Variants in SLC44A5 observed in about 807,000 individuals in gnomAD.
The protein encoded by SLC44A5 is choline transporter-like protein 5.
A neutral mutation model predicts 101.8 loss-of-function variants in SLC44A5; 57 were observed. The observed-to-expected ratio is 0.56, with a 90% CI of 0.45 to 0.70. The LOEUF is 0.70. Ranked by LOEUF, SLC44A5 falls within the 30% of genes least tolerant of loss-of-function variation. The pLI is 0.00. For missense variants in SLC44A5, 737 were observed against 853.1 expected (o/e 0.86, Z 1.70); for synonymous variants, 281 against 290.9 (o/e 0.97, Z 0.35).
chr1:75,279,926 C>T (rs780763552), intron 5 of SLC44A5, among the ~76,000 whole-genome samples: 1 of 151,326 alleles, frequency 6.6e-6, no homozygotes, highest in African/African-American at 2.4e-5. Context: ...CTAGAGTCTT[C>T]GAAGTACATT....
intron 11 of SLC44A5, among the ~76,000 whole-genome samples, chr1:75,235,878 A>G (rs891621893): frequency 2.0e-5 from 3 of 152,038 alleles, no homozygotes; most frequent in African/African-American, 7.2e-5. Context: ...TCAGAGGGAA[A>G]GGGCCAGGTA....
intron 2 of SLC44A5, among the ~76,000 whole-genome samples, chr1:75,425,455 A>C (rs546606922): frequency 6.6e-6 from 1 of 152,246 alleles, no homozygotes; most frequent in African/African-American, 2.4e-5. Context: ...GTAAACTTGC[A>C]GAAGCATTGC....
the SLC44A5 span, among the ~76,000 whole-genome samples, chr1:75,698,510 C>T: frequency 4.6e-5 from 7 of 152,316 alleles, no homozygotes; most frequent in East Asian, 1.4e-3. Context: ...TGTACATCAC[C>T]ATCATCAAAG....
rs1646926265 is a variant in SLC44A5, at chr1:75,214,659, T to C, written c.1748A>G (p.Asn583Ser). 1.2e-6 allele frequency: 2 copies of C among 1,611,476 alleles called. No homozygotes were observed. The highest frequency in any genetic ancestry group is 2.7e-5 in the African/African-American group (2 of 75,002). Residue 583 changes from asparagine (N) to serine (S), a missense_variant, in exon 20 of 24, where the codon AAC becomes AGC. Asn to Ser is a conservative substitution (Grantham distance 46). Transcript: ENST00000370859. ...AYIMIAIYGR[N>S]FCRSAKDAFN... ...AGCATCTTTTGCTGACCTGCAGAAG[T>C]TTCTGCCATATATTGCAATCTGAGG...
chr1:75,362,821 G>GT lies in SLC44A5; in HGVS notation c.53-23192dup, dbSNP rs150205446. Among the ~76,000 whole-genome samples the GT allele has an allele frequency of 4.0e-3, 614 of 152,034 alleles. 4 individuals carry two copies. The highest frequency in any genetic ancestry group is 0.014 in the African/African-American group (590 of 41,492). On this transcript the variant is annotated intron_variant, in intron 3 of 23. Coordinates refer to ENST00000370859, the MANE Select transcript of SLC44A5 (RefSeq NM_001130058.2). ...ATGTTAGGTCCATTTGATCTAAAGT[G>GT]TAAGGGGGGTGAGTATAAGTCCACG...
At chr1:75,409,103 T>A (rs1469605779) in intron 2 of SLC44A5, among the ~76,000 whole-genome samples, 6 of 152,234 alleles carry the variant, frequency 3.9e-5, no homozygotes, top group African/African-American at 1.4e-4. Context: ...AAATACCACA[T>A]CTTCGCTTAT....
chr1:75,395,879 T>C (rs1662091393), intron 3 of SLC44A5, among the ~76,000 whole-genome samples: 1 of 152,178 alleles, frequency 6.6e-6, no homozygotes, highest in Non-Finnish European at 1.5e-5. Context: ...TATTTGAAGA[T>C]TGGGGATCCA....
intron 2 of SLC44A5, among the ~76,000 whole-genome samples, chr1:75,425,750 TG>T (rs1199599775): frequency 6.6e-6 from 1 of 152,168 alleles, no homozygotes; most frequent in African/African-American, 2.4e-5. Context: ...TGCCATGCTA[TG>T]GGCCCTTCTT....
At chr1:75,481,983 T>C (rs1396941624) in intron 2 of SLC44A5, among the ~76,000 whole-genome samples, 2 of 152,102 alleles carry the variant, frequency 1.3e-5, no homozygotes, top group Non-Finnish European at 2.9e-5. Context: ...ATGTTTATTG[T>C]GGCACTATTC....
chr1:75,280,836 C>T (rs573346712), intron 5 of SLC44A5, among the ~76,000 whole-genome samples: 3 of 152,196 alleles, frequency 2.0e-5, no homozygotes, highest in Non-Finnish European at 1.5e-5. Flanking sequence ...TTGTAAATTT[C>T]CTGAGACCTC....
the SLC44A5 span, among the ~76,000 whole-genome samples, chr1:75,625,905 G>A: frequency 6.6e-6 from 1 of 152,226 alleles, no homozygotes; most frequent in African/African-American, 2.4e-5. Context: ...GGGTCTGGGT[G>A]CAGTTTGTAG....
intron 6 of SLC44A5, among the ~76,000 whole-genome samples, chr1:75,259,994 C>T (rs1440083382): frequency 2.0e-5 from 3 of 152,070 alleles, no homozygotes; most frequent in African/African-American, 7.3e-5. Context: ...ATTTTGTCAC[C>T]ACCAGGCCTG....
chr1:75,491,408 A>G (rs1345754231), intron 2 of SLC44A5, among the ~76,000 whole-genome samples: 2 of 152,136 alleles, frequency 1.3e-5, no homozygotes, highest in Non-Finnish European at 2.9e-5. Flanking sequence ...TTCATGATAC[A>G]TTTCCTTATT....
Position 75,465,160 on chromosome 1 carries a change from AT to A in SLC44A5, c.14-68540del, listed in dbSNP as rs202030020. 6.6e-4 allele frequency among the ~76,000 whole-genome samples: 101 copies of A among 152,300 alleles called. 1 individual carries two copies. The East Asian group carries it at 0.017, about 25-fold the overall frequency. ...TAGGTCACAAAACTAGTCTTAAAAT[AT>A]TTTTAAATGAAATAATATCAGTCAT... On this transcript the variant is annotated intron_variant, in intron 2 of 23. Transcript: ENST00000370859.
intron 2 of SLC44A5, among the ~76,000 whole-genome samples, chr1:75,499,557 A>G (rs1440961569): frequency 6.6e-6 from 1 of 152,208 alleles, no homozygotes; most frequent in African/African-American, 2.4e-5. Flanking sequence ...TACCTAGCAA[A>G]CAACGCATTT....
At chr1:75,387,044 T>G (rs926611529) in intron 3 of SLC44A5, among the ~76,000 whole-genome samples, 5 of 152,028 alleles carry the variant, frequency 3.3e-5, no homozygotes, top group African/African-American at 9.7e-5. Flanking sequence ...CCTTACACCT[T>G]ATACAAAAAT....
intron 5 of SLC44A5, among the ~76,000 whole-genome samples, chr1:75,288,616 A>G (rs1000280551): frequency 6.6e-6 from 1 of 152,212 alleles, no homozygotes; most frequent in Non-Finnish European, 1.5e-5. Context: ...GAGGGAAGAC[A>G]GGTTCTGAAG....
intron 2 of SLC44A5, among the ~76,000 whole-genome samples, chr1:75,433,145 T>C (rs1260374503): frequency 6.6e-6 from 1 of 152,062 alleles, no homozygotes; most frequent in Non-Finnish European, 1.5e-5. Flanking sequence ...CTATCTCATG[T>C]CTCCCCCTTC....
chr1:75,429,714 G>T (rs1193665102), intron 2 of SLC44A5, among the ~76,000 whole-genome samples: 1 of 152,146 alleles, frequency 6.6e-6, no homozygotes, highest in East Asian at 1.9e-4. Context: ...AAGAGAGAGT[G>T]AGAGATCAAG....
Sources: gnomAD v4.1 joint callset for allele counts (sites outside exome capture counted in the v4.1 genomes callset) on GRCh38, gnomAD v4.1.1 for gene constraint, MANE v1.5 for transcripts, NCBI Gene and HGNC (gene_info 2026-07-23, HGNC 2026-07-21) for gene names.